MRPL45: variants seen among roughly 807,000 people sequenced by gnomAD.
MRPL45 encodes mitochondrial ribosomal protein L45.
A neutral mutation model predicts 38.1 loss-of-function variants in MRPL45; 20 were observed. That is an observed-to-expected ratio of 0.53 (90% CI 0.37 to 0.76). MRPL45 has a LOEUF of 0.76. Among genes scored for constraint, MRPL45 ranks in the 30% least tolerant of loss-of-function variants. The pLI is 0.00. For missense variants in MRPL45, 337 were observed against 395.6 expected (o/e 0.85, Z 1.26); for synonymous variants, 105 against 128.8 (o/e 0.82, Z 1.25).
Position 38,316,987 on chromosome 17 carries a change from A to G in MRPL45, c.462-1700A>G, listed in dbSNP as rs1451939535. ...TAATTTTTGTATTTTTAGTAGGGACAGGGTTTCACCATGTTGGCCAGGATG... is the reference window on the plus strand; with the variant it reads ...TAATTTTTGTATTTTTAGTAGGGACGGGGTTTCACCATGTTGGCCAGGATG... On this transcript the variant is annotated intron_variant, in intron 4 of 7. Transcript: ENST00000613675. Among the ~76,000 whole-genome samples the G allele has an allele frequency of 8.5e-5, 13 of 152,086 alleles. No individual in the cohort carries two copies. The East Asian group carries it at 9.7e-4, about 11-fold the overall frequency.
intron 4 of MRPL45, among the ~76,000 whole-genome samples, chr17:38,311,483 C>G (rs545666423): frequency 3.3e-5 from 5 of 151,928 alleles, no homozygotes; most frequent in African/African-American, 7.3e-5. Flanking sequence ...GTCAAGAGAT[C>G]GAGACCATCC....
At chr17:38,304,096 A>C (rs1304886391) in intron 3 of MRPL45, among the ~76,000 whole-genome samples, 1 of 152,188 alleles carries the variant, frequency 6.6e-6, no homozygotes, top group African/African-American at 2.4e-5. Context: ...TCTAAAAAGA[A>C]ATATTTTATT....
At chr17:38,305,279 C>T (rs2037040393) in intron 3 of MRPL45, among the ~76,000 whole-genome samples, 1 of 132,572 alleles carries the variant, frequency 7.5e-6, no homozygotes, top group Non-Finnish European at 1.7e-5. Flanking sequence ...CCAGCCTGGT[C>T]AGCATGGTGA....
rs1454412319 is a variant in MRPL45, at chr17:38,318,822, C to CTTT, written c.510+89_510+91dup. ...TCTGGTTTTTCTTTTCTTTTCTTTT[C>CTTT]TTTTCTTTTTTTTTTTTTTTTTGAG... On this transcript the variant is annotated intron_variant, in intron 5 of 7. Coordinates refer to ENST00000613675, the MANE Select transcript of MRPL45 (RefSeq NM_032351.6). The CTTT allele has an allele frequency of 3.8e-4, 218 of 577,990 alleles. 5 individuals are homozygous for CTTT. Among genetic ancestry groups the CTTT allele is most frequent in the African/African-American group, 2.9e-3 (114 of 39,338 alleles). The allele number at this position is 577,990 out of a possible 1,614,324, so 35.8% of individuals were successfully genotyped here. A position where few individuals can be genotyped will look rare whatever the true frequency, so the allele number is the denominator to read the frequency against.
intron 1 of MRPL45, among the ~76,000 whole-genome samples, chr17:38,298,003 G>A (rs1598968881): frequency 1.3e-5 from 2 of 152,196 alleles, no homozygotes; most frequent in African/African-American, 4.8e-5. Context: ...AGGCTGCGGT[G>A]GGAGGATAGC....
At chr17:38,317,121 T>C (rs1314896983) in intron 4 of MRPL45, among the ~76,000 whole-genome samples, 1 of 152,132 alleles carries the variant, frequency 6.6e-6, no homozygotes, top group East Asian at 1.9e-4. Context: ...TCTAAATGTT[T>C]ATAGTAGAAG....
At chr17:38,304,567 G>T (rs1165850187) in intron 3 of MRPL45, among the ~76,000 whole-genome samples, 1 of 151,784 alleles carries the variant, frequency 6.6e-6, no homozygotes, top group Non-Finnish European at 1.5e-5. Context: ...TTTTTGAGAC[G>T]GAGTCTCACT....
chr17:38,307,956 A>G (rs1403637490), intron 4 of MRPL45, among the ~76,000 whole-genome samples: 1 of 151,560 alleles, frequency 6.6e-6, no homozygotes, highest in African/African-American at 2.4e-5. Flanking sequence ...CCCAGGCTGG[A>G]GGGCAGTGGT....
intron 4 of MRPL45, among the ~76,000 whole-genome samples, chr17:38,312,135 C>G (rs1343230029): frequency 6.6e-6 from 1 of 151,462 alleles, no homozygotes; most frequent in East Asian, 1.9e-4. Flanking sequence ...CAACCTTTGC[C>G]TCCTGGGTTC....
chr17:38,316,766 C>T (rs887597243), intron 4 of MRPL45, among the ~76,000 whole-genome samples: 4 of 101,732 alleles, frequency 3.9e-5, no homozygotes, highest in Admixed American at 1.1e-4. Flanking sequence ...AAAAAAAAAG[C>T]AAAAGTGTAT....
chr17:38,322,259 T>G lies in MRPL45; in HGVS notation c.794T>G (p.Ile265Ser). The change falls in exon 7 of 8, where the codon ATC becomes AGC. Residue 265 changes from isoleucine (I) to serine (S), a missense_variant. Around this residue, in one of 3 missense-constraint regions of MRPL45, gnomAD observed 251 missense variants for 269.1 expected, o/e 0.93. Transcript: ENST00000613675. The stretch of plus-strand genomic sequence containing the variant: ...GGAAGCTGGAGAATGCATACCAAGA[T>G]CGTTCCCCCATGGGCACCCCCTAAG... Reference protein sequence around the residue: ...PYGSWRMHTKIVPPWAPPKQP... With the variant: ...PYGSWRMHTKSVPPWAPPKQP... 1 of 1,614,058 alleles carries G rather than the reference T, an allele frequency of 6.2e-7. No individual in the cohort carries two copies. The highest frequency in any genetic ancestry group is 1.1e-5 in the South Asian group (1 of 91,080).
chr17:38,297,485 T>A (rs1399795704), intron 1 of MRPL45, among the ~76,000 whole-genome samples: 6 of 151,932 alleles, frequency 3.9e-5, no homozygotes, highest in Non-Finnish European at 8.8e-5. Flanking sequence ...TCCGGATTGG[T>A]TTGGGTCTGT....
chr17:38,315,549 A>G (rs2037165322), intron 4 of MRPL45, among the ~76,000 whole-genome samples: 1 of 151,866 alleles, frequency 6.6e-6, no homozygotes, highest in Admixed American at 6.6e-5. Flanking sequence ...GATTATAGGC[A>G]TGAGCTGCTG....
chr17:38,297,476 C>A (rs2036948475), intron 1 of MRPL45, among the ~76,000 whole-genome samples: 1 of 152,042 alleles, frequency 6.6e-6, no homozygotes, highest in Non-Finnish European at 1.5e-5. Flanking sequence ...TTAAGTTTTT[C>A]CGGATTGGTT....
intron 5 of MRPL45, among the ~76,000 whole-genome samples, 158 bp from the exon 6 acceptor site, chr17:38,320,460 T>C (rs2037218254): frequency 6.6e-6 from 1 of 151,942 alleles, no homozygotes; most frequent in Non-Finnish European, 1.5e-5. Flanking sequence ...TAATCAAAAC[T>C]TGAGAAGGTG....
At chr17:38,311,226 A>G (rs1311979572) in intron 4 of MRPL45, among the ~76,000 whole-genome samples, 2 of 151,946 alleles carry the variant, frequency 1.3e-5, no homozygotes, top group Admixed American at 6.6e-5. Context: ...TTATTTCTCT[A>G]TGAATTTACC....
intron 5 of MRPL45, among the ~76,000 whole-genome samples, chr17:38,320,331 T>C (rs983053711): frequency 1.3e-5 from 2 of 152,168 alleles, no homozygotes; most frequent in Non-Finnish European, 2.9e-5. Context: ...GTATTGGGCA[T>C]GCTGGCAGTT....
chr17:38,321,887 C>G (rs1012651043), intron 6 of MRPL45, among the ~76,000 whole-genome samples: 1 of 151,648 alleles, frequency 6.6e-6, no homozygotes, highest in African/African-American at 2.4e-5. Flanking sequence ...AAAAAATCAT[C>G]CAGGAGTGGT....
At chr17:38,303,982 C>A (rs977421396) in intron 3 of MRPL45, among the ~76,000 whole-genome samples, 1 of 152,104 alleles carries the variant, frequency 6.6e-6, no homozygotes, top group African/African-American at 2.4e-5. Flanking sequence ...TGCTTGGATC[C>A]TATGTCTTTA....
Sources: allele counts gnomAD v4.1 joint callset (sites outside exome capture counted in the v4.1 genomes callset), GRCh38; gene constraint gnomAD v4.1.1; regional missense constraint gnomAD v4.1.1; transcripts MANE v1.5; gene names NCBI Gene and HGNC (gene_info 2026-07-23, HGNC 2026-07-21).